ZNF81: variants seen among roughly 807,000 people sequenced by gnomAD.
The protein encoded by ZNF81 is zinc finger protein 81 (HFZ20).
In ZNF81, 5 loss-of-function variants were observed where a neutral mutation model predicts 32.3. The observed-to-expected ratio is 0.15, with a 90% CI of 0.08 to 0.33. The LOEUF (loss-of-function observed/expected upper bound fraction) is 0.33, where lower values mean the gene tolerates loss of function less well. Ranked by LOEUF, ZNF81 falls within the 10% of genes least tolerant of loss-of-function variation. The probability of loss-of-function intolerance (pLI) is 1.00; values close to 1 mark genes in which losing one functional copy is unlikely to be tolerated. For missense variants in ZNF81, 379 were observed against 479.8 expected (o/e 0.79, Z 1.96); for synonymous variants, 163 against 166.8 (o/e 0.98, Z 0.17).
intron 4 of ZNF81, among the ~76,000 whole-genome samples, chrX:47,907,660 CAAG>C (rs2058725435): frequency 9.0e-6 from 1 of 111,501 alleles, no homozygotes; most frequent in African/African-American, 3.3e-5. Context: ...CAAGCTCAAT[CAAG>C]GAGGAGAAAG....
chrX:47,902,218 G>T (rs961045296), intron 4 of ZNF81, among the ~76,000 whole-genome samples: 2 of 110,731 alleles, frequency 1.8e-5, no homozygotes, highest in Admixed American at 9.6e-5. Context: ...CTCTTTCTCT[G>T]AAGTTGATAA....
chrX:47,889,632 G>A (rs1556886254), intron 3 of ZNF81, among the ~76,000 whole-genome samples: 1 of 112,203 alleles, frequency 8.9e-6, no homozygotes, highest in African/African-American at 3.2e-5. Context: ...TTGCTATAAA[G>A]AAATGCCTGA....
intron 4 of ZNF81, among the ~76,000 whole-genome samples, chrX:47,911,748 G>C (rs188166452): frequency 1.8e-5 from 2 of 111,602 alleles, no homozygotes; most frequent in African/African-American, 6.5e-5. Flanking sequence ...TTAGCAAAAT[G>C]AATAGCATAG....
intron 2 of ZNF81, among the ~76,000 whole-genome samples, chrX:47,867,478 T>C (rs781836556): frequency 1.8e-5 from 2 of 112,138 alleles, no homozygotes; most frequent in Admixed American, 1.9e-4. Flanking sequence ...ATAATAACAC[T>C]ACGGTTTTCT....
chrX:47,919,159 G>A lies in ZNF81; in HGVS notation c.*2527G>A, dbSNP rs782784887. 3.0e-6 allele frequency: 1 copy of A among 328,646 alleles called. No homozygotes were observed. The highest frequency in any genetic ancestry group is 2.7e-5 in the African/African-American group (1 of 37,608). 27.1% of individuals were successfully genotyped at this position (328,646 alleles called of 1,213,427 possible). On this transcript the variant is annotated 3_prime_UTR_variant, in exon 5 of 5. Transcript: ENST00000338637. ...GGGTGAACACATTTTGCATGGGGTG[G>A]TAATGTGAATACTTTGTGACCAGAA...
At chrX:47,894,189 C>T (rs782306203) in intron 3 of ZNF81, among the ~76,000 whole-genome samples, 3 of 111,226 alleles carry the variant, frequency 2.7e-5, no homozygotes, top group Non-Finnish European at 3.8e-5. Context: ...ATGACTAATG[C>T]GAGGAAACAT....
chrX:47,914,113 C>T (rs191138167), intron 4 of ZNF81, among the ~76,000 whole-genome samples: 281 of 111,426 alleles, frequency 2.5e-3, no homozygotes, highest in Non-Finnish European at 4.5e-3. Flanking sequence ...GATCTTTCCC[C>T]TGAAAACTCT....
At chrX:47,879,980 C>T (rs1465009150) in intron 2 of ZNF81, among the ~76,000 whole-genome samples, 3 of 112,269 alleles carry the variant, frequency 2.7e-5, no homozygotes, top group Non-Finnish European at 5.6e-5. Context: ...TGTTATTTAA[C>T]GTGTTCCTGT....
intron 1 of ZNF81, among the ~76,000 whole-genome samples, chrX:47,837,740 A>G (rs1323820639): frequency 8.9e-6 from 1 of 112,367 alleles, no homozygotes; most frequent in Non-Finnish European, 1.9e-5. Flanking sequence ...CTCTGCCAGT[A>G]CTACCTTGCT....
rs1569395007 is a variant in ZNF81, at chrX:47,915,653, G to C, written c.1007G>C (p.Gly336Ala). 8.3e-7 allele frequency: 1 copy of C among 1,209,865 alleles called. No individual in the cohort carries two copies. The highest frequency in any genetic ancestry group is 1.1e-6 in the Non-Finnish European group (1 of 894,638). ...DEKLYICTKC[G>A]KAFIQNSELI... ...AAACTCTACATATGTACTAAATGTGGGAAGGCCTTCATCCAGAATTCAGAA... is the reference window on the plus strand; with the variant it reads ...AAACTCTACATATGTACTAAATGTGCGAAGGCCTTCATCCAGAATTCAGAA... The change falls in exon 5 of 5, where the codon GGG becomes GCG. Residue 336 changes from glycine (G) to alanine (A), a missense_variant. Physicochemically the swap from Gly to Ala is moderately conservative, Grantham distance 60 (BLOSUM62 0). This residue lies in a region of ZNF81 where 277 missense variants were observed against 306.6 expected (regional missense o/e 0.90). Transcript: ENST00000338637.
chrX:47,842,383 C>CG (rs1217312019), intron 1 of ZNF81, among the ~76,000 whole-genome samples: 2 of 110,723 alleles, frequency 1.8e-5, no homozygotes, highest in East Asian at 5.7e-4. Flanking sequence ...ATTGTTTTGG[C>CG]GGGGGGAGTC....
chrX:47,887,318 T>C (rs2058645764), intron 2 of ZNF81, among the ~76,000 whole-genome samples: 2 of 112,063 alleles, frequency 1.8e-5, no homozygotes, highest in Admixed American at 9.5e-5. Flanking sequence ...ATATAAACTT[T>C]AACATTTGTC....
intron 2 of ZNF81, among the ~76,000 whole-genome samples, chrX:47,855,801 C>T (rs1217272505): frequency 1.8e-5 from 2 of 110,480 alleles, no homozygotes; most frequent in Admixed American, 9.7e-5. Context: ...GTAATACCAG[C>T]ACTTAGAGAA....
chrX:47,850,883 GCACGCGCGCACACACA>G lies in ZNF81; in HGVS notation c.54+4566_54+4581del, dbSNP rs782630737. 9.7e-5 allele frequency among the ~76,000 whole-genome samples: 3 copies of G among 30,779 alleles called. No homozygotes were observed. The Admixed American group carries it at 2.0e-3, about 21-fold the overall frequency. The allele number at this position is 30,779 out of a possible 115,157, so 26.7% of individuals were successfully genotyped here. On this transcript the variant is annotated intron_variant, in intron 2 of 4. Transcript: ENST00000338637. Reference sequence around the variant, plus strand: ...TACAAACACGTGCACTCATTCACAGGCACGCGCGCACACACACACACACACACACACACACACACAC... The same window carrying G: ...TACAAACACGTGCACTCATTCACAGGCACACACACACACACACACACACAC...
rs192485717 is a variant in ZNF81, at chrX:47,878,770, A to T, written c.55-9229A>T. On this transcript the variant is annotated intron_variant, in intron 2 of 4. Transcript: ENST00000338637. ...ATATTAGTTTTCTATCACTGCTGTA[A>T]CAAATTGCCACGAACTTGGTGGCTT... Among the ~76,000 whole-genome samples, 11 of 112,631 alleles carry T rather than the reference A, an allele frequency of 9.8e-5. No homozygotes were observed. The East Asian group carries it at 3.1e-3, about 31-fold the overall frequency.
intron 1 of ZNF81, among the ~76,000 whole-genome samples, chrX:47,845,869 T>G (rs1377448837): frequency 6.2e-5 from 7 of 112,295 alleles, no homozygotes; most frequent in Admixed American, 5.7e-4. Context: ...TGAAGCAGCT[T>G]TTTCATGTTC....
chrX:47,860,320 C>T (rs1179322717), intron 2 of ZNF81, among the ~76,000 whole-genome samples: 10 of 108,766 alleles, frequency 9.2e-5, no homozygotes, highest in Admixed American at 5.0e-4. Context: ...GGACTACAGG[C>T]GCCCACCACC....
chrX:47,909,785 A>T (rs190552836), intron 4 of ZNF81, among the ~76,000 whole-genome samples: 1,072 of 77,921 alleles, frequency 0.014, 21 homozygotes, highest in African/African-American at 0.05. Flanking sequence ...CAGTCCCCAG[A>T]GTGTGATGTT....
At chrX:47,841,556 A>G (rs1216611635) in intron 1 of ZNF81, 31 of 982,808 alleles carry the variant, frequency 3.2e-5, no homozygotes, top group Non-Finnish European at 3.9e-5. Context: ...CAGTCACTTA[A>G]ACCTAAGCCT....
Sources: allele counts gnomAD v4.1 joint callset (sites outside exome capture counted in the v4.1 genomes callset), GRCh38; gene constraint gnomAD v4.1.1; regional missense constraint gnomAD v4.1.1; transcripts MANE v1.5; gene names NCBI Gene and HGNC (gene_info 2026-07-23, HGNC 2026-07-21).